Variants in ASIC2 observed in about 807,000 individuals in gnomAD.
ASIC2 encodes the protein acid-sensing ion channel 2.
In ASIC2, 25 loss-of-function variants were observed where a neutral mutation model predicts 57.3. The observed-to-expected ratio is 0.44, with a 90% CI of 0.32 to 0.61. ASIC2 has a LOEUF of 0.61. Ranked by LOEUF, ASIC2 falls within the 20% of genes least tolerant of loss-of-function variation. The pLI is 0.06. For synonymous variants in ASIC2, 319 were observed against 307.5 expected (o/e 1.04, Z -0.39); for missense variants, 641 against 738.1 (o/e 0.87, Z 1.52).
At chr17:34,104,841 A>C (rs1910987820) in intron 1 of ASIC2, among the ~76,000 whole-genome samples, 1 of 151,998 alleles carries the variant, frequency 6.6e-6, no homozygotes, top group South Asian at 2.1e-4. Flanking sequence ...CTTTTTATAT[A>C]TTTCTGAAAA....
chr17:33,037,130 CAA>C (rs35845015), intron 3 of ASIC2, among the ~76,000 whole-genome samples: 44,932 of 125,430 alleles, frequency 0.36, 7,235 homozygotes, highest in Middle Eastern at 0.39. Flanking sequence ...GGTGTGGTAG[CAA>C]AAAAAAAAAA....
At chr17:33,156,158 C>T (rs1165359978) in intron 1 of ASIC2, among the ~76,000 whole-genome samples, 2 of 150,788 alleles carry the variant, frequency 1.3e-5, no homozygotes, top group African/African-American at 4.9e-5. Flanking sequence ...AACCGAGTCT[C>T]ACTCCGTTGC....
chr17:33,338,192 G>A (rs1238290400), intron 1 of ASIC2, among the ~76,000 whole-genome samples: 2 of 151,894 alleles, frequency 1.3e-5, no homozygotes, highest in East Asian at 3.9e-4. Flanking sequence ...TTCCTTCTGA[G>A]GTGTTCTGGA....
At chr17:34,150,203 A>G (rs1294582006) in intron 1 of ASIC2, among the ~76,000 whole-genome samples, 1 of 152,194 alleles carries the variant, frequency 6.6e-6, no homozygotes, top group East Asian at 1.9e-4. Flanking sequence ...TCATAGAAAC[A>G]GAGAGTAGAA....
At chr17:34,116,281 GT>G (rs1306504541) in intron 1 of ASIC2, among the ~76,000 whole-genome samples, 2 of 152,104 alleles carry the variant, frequency 1.3e-5, no homozygotes, top group Non-Finnish European at 2.9e-5. Flanking sequence ...CTAGGCCTCT[GT>G]TTTTTATCTG....
intron 3 of ASIC2, among the ~76,000 whole-genome samples, chr17:33,083,203 GC>G (rs1231624254): frequency 2.6e-5 from 4 of 152,126 alleles, no homozygotes; most frequent in Admixed American, 1.3e-4. Flanking sequence ...TATAAGCAAG[GC>G]ACTGGGGCCA....
chr17:34,132,361 T>A (rs1478312427), intron 1 of ASIC2, among the ~76,000 whole-genome samples: 4 of 152,106 alleles, frequency 2.6e-5, no homozygotes, highest in Non-Finnish European at 5.9e-5. Context: ...TTCCACAGCG[T>A]GGAAGGACAG....
At chr17:33,636,915 T>G (rs779711177) in intron 1 of ASIC2, among the ~76,000 whole-genome samples, 15 of 151,678 alleles carry the variant, frequency 9.9e-5, no homozygotes, top group Non-Finnish European at 2.2e-4. Flanking sequence ...TGTACAATTC[T>G]CTCCAGCTTT....
At chr17:33,576,097 C>G (rs1916612469) in intron 1 of ASIC2, among the ~76,000 whole-genome samples, 1 of 152,124 alleles carries the variant, frequency 6.6e-6, no homozygotes, top group South Asian at 2.1e-4. Context: ...ACTCACTCAC[C>G]TTCTCTCTAC....
chr17:33,322,992 G>A (rs1906927975), intron 1 of ASIC2, among the ~76,000 whole-genome samples: 1 of 152,218 alleles, frequency 6.6e-6, no homozygotes, highest in Admixed American at 6.5e-5. Flanking sequence ...ATTTGAGACT[G>A]TGACTATCTC....
At chr17:34,032,655 G>A (rs939919105) in intron 1 of ASIC2, among the ~76,000 whole-genome samples, 3 of 152,252 alleles carry the variant, frequency 2.0e-5, no homozygotes, top group East Asian at 1.9e-4. Context: ...TCAAAATAAA[G>A]GGATGGAGGA....
At chr17:34,115,273 A>G (rs1465867391) in intron 1 of ASIC2, among the ~76,000 whole-genome samples, 1 of 152,232 alleles carries the variant, frequency 6.6e-6, no homozygotes, top group Non-Finnish European at 1.5e-5. Context: ...GGATGGTACA[A>G]AAACAAAGAC....
chr17:33,592,335 G>A (rs1904853089), intron 1 of ASIC2, among the ~76,000 whole-genome samples: 1 of 152,244 alleles, frequency 6.6e-6, no homozygotes, highest in Non-Finnish European at 1.5e-5. Flanking sequence ...TAACCTTGGT[G>A]TTCACTAGCT....
At chr17:33,230,157 G>C (rs1438419846) in intron 1 of ASIC2, among the ~76,000 whole-genome samples, 1 of 152,222 alleles carries the variant, frequency 6.6e-6, no homozygotes, top group Non-Finnish European at 1.5e-5. Context: ...TGAGGCACAG[G>C]ACTACCTTCC....
chr17:33,110,599 T>C (rs552770641), intron 2 of ASIC2, among the ~76,000 whole-genome samples: 3 of 152,198 alleles, frequency 2.0e-5, no homozygotes, highest in South Asian at 2.1e-4. Context: ...GGGAGGTAAA[T>C]GGCCACACTC....
intron 1 of ASIC2, among the ~76,000 whole-genome samples, chr17:33,506,479 CAGAG>C (rs1035870559): frequency 6.6e-6 from 1 of 150,764 alleles, no homozygotes; most frequent in African/African-American, 2.4e-5. Context: ...ATGTGTGTGA[CAGAG>C]AGGAAGAGAG....
rs1597865175 is a variant in ASIC2, at chr17:33,760,565, C to A, written c.555+395413G>T. Among the ~76,000 whole-genome samples, 7 of 150,044 alleles carry A rather than the reference C, an allele frequency of 4.7e-5. 1 individual carries two copies. In the East Asian group the frequency reaches 1.2e-3, roughly 25 times the overall value. Reference sequence around the variant, plus strand: ...TAGATTTATATATAAACAAACATAGCAAAATTATTTATGTGTATATAAAGC... The same window carrying A: ...TAGATTTATATATAAACAAACATAGAAAAATTATTTATGTGTATATAAAGC... On this transcript the variant is annotated intron_variant, in intron 1 of 9. Transcript: ENST00000359872.
chr17:33,734,672 G>A (rs182734417), intron 1 of ASIC2, among the ~76,000 whole-genome samples: 55 of 152,240 alleles, frequency 3.6e-4, no homozygotes, highest in African/African-American at 1.3e-3. Flanking sequence ...GTAAGGATGG[G>A]ACCCCAATCC....
chr17:33,278,896 G>A lies in ASIC2; in HGVS notation c.708+12512C>T, dbSNP rs191643932. ...GCCAGACATGGCCCTTGCCCTCAAGGAGATGACAGCTGAGGAAGGGGAACC... is the reference window on the plus strand; with the variant it reads ...GCCAGACATGGCCCTTGCCCTCAAGAAGATGACAGCTGAGGAAGGGGAACC... On this transcript the variant is annotated intron_variant, in intron 1 of 9. Transcript: ENST00000225823. 3.8e-3 allele frequency among the ~76,000 whole-genome samples: 577 copies of A among 152,222 alleles called. 2 individuals are homozygous for A. The highest frequency in any genetic ancestry group is 7.5e-3 in the South Asian group (36 of 4,816).
Sources: gnomAD v4.1 joint callset for allele counts (sites outside exome capture counted in the v4.1 genomes callset) on GRCh38, gnomAD v4.1.1 for gene constraint, MANE v1.5 for transcripts, NCBI Gene and HGNC (gene_info 2026-07-23, HGNC 2026-07-21) for gene names.